The following SPMIP3 variants were observed in gnomAD, a reference collection of about 807,000 sequenced individuals.
The protein encoded by SPMIP3 is sperm microtubule inner protein 3.
At chr1:244,360,907 C>T in the SPMIP3 span, among the ~76,000 whole-genome samples, 3 of 148,706 alleles carry the variant, frequency 2.0e-5, no homozygotes, top group Admixed American at 6.7e-5. Context: ...GCATTAAATC[C>T]TGTCATTTAC....
the SPMIP3 span, among the ~76,000 whole-genome samples, chr1:244,386,243 A>G: frequency 1.3e-5 from 2 of 152,238 alleles, no homozygotes; most frequent in African/African-American, 2.4e-5. Context: ...TATTTGGAAT[A>G]CACAGAATCC....
chr1:244,370,131 T>G, the SPMIP3 span, among the ~76,000 whole-genome samples: 18 of 152,236 alleles, frequency 1.2e-4, no homozygotes, highest in Non-Finnish European at 7.3e-5. Flanking sequence ...TCCATCTGCC[T>G]AAATAATTTC....
At chr1:244,371,255 T>C in the SPMIP3 span, among the ~76,000 whole-genome samples, 1 of 152,202 alleles carries the variant, frequency 6.6e-6, no homozygotes, top group African/African-American at 2.4e-5. Context: ...GGAAAGGGCT[T>C]TCTACAGCTG....
chr1:244,359,592 G>A, the SPMIP3 span, among the ~76,000 whole-genome samples: 7 of 151,880 alleles, frequency 4.6e-5, no homozygotes, highest in Admixed American at 6.6e-5. Context: ...GTGTGGTGGC[G>A]GGCGCCTGTA....
the SPMIP3 span, among the ~76,000 whole-genome samples, chr1:244,375,814 G>A: frequency 1.3e-5 from 2 of 151,956 alleles, no homozygotes; most frequent in African/African-American, 2.4e-5. Flanking sequence ...ACAGGCACAC[G>A]TTACCATACC....
the SPMIP3 span, among the ~76,000 whole-genome samples, chr1:244,365,823 C>G: frequency 1.3e-5 from 2 of 152,180 alleles, no homozygotes; most frequent in African/African-American, 4.8e-5. Flanking sequence ...TCCAAGCCCA[C>G]ATTTTGGATT....
chr1:244,378,536 A>C, the SPMIP3 span: 12 of 1,613,536 alleles, frequency 7.4e-6, no homozygotes, highest in Non-Finnish European at 9.3e-6. Context: ...ACCAACAAAC[A>C]CTCATTCGAT....
the SPMIP3 span, among the ~76,000 whole-genome samples, chr1:244,361,955 A>G: frequency 6.6e-6 from 1 of 152,126 alleles, no homozygotes; most frequent in African/African-American, 2.4e-5. Flanking sequence ...ATTAACCAAG[A>G]GCTCAGCTGT....
the SPMIP3 span, among the ~76,000 whole-genome samples, chr1:244,366,649 G>T: frequency 6.6e-5 from 10 of 152,238 alleles, no homozygotes; most frequent in African/African-American, 2.4e-4. Context: ...GGAGGCCAAG[G>T]CGGGTGGATC....
At chr1:244,370,128 G>GCCTAAATAATTTCCATCTC in the SPMIP3 span, among the ~76,000 whole-genome samples, 1 of 152,188 alleles carries the variant, frequency 6.6e-6, no homozygotes, top group Non-Finnish European at 1.5e-5. Context: ...CTTTCCATCT[G>GCCTAAATAATTTCCATCTC]CCTAAATAAT....
the SPMIP3 span, among the ~76,000 whole-genome samples, chr1:244,383,054 G>A: frequency 6.6e-6 from 1 of 152,068 alleles, no homozygotes; most frequent in East Asian, 1.9e-4. Context: ...GATATTTTGG[G>A]GGTGGCATCA....
chr1:244,381,769 A>G, the SPMIP3 span, among the ~76,000 whole-genome samples: 2 of 152,192 alleles, frequency 1.3e-5, no homozygotes, highest in African/African-American at 4.8e-5. Flanking sequence ...CATCTCTACT[A>G]AAAATACAAA....
the SPMIP3 span, among the ~76,000 whole-genome samples, chr1:244,374,938 G>A: frequency 6.6e-6 from 1 of 151,594 alleles, no homozygotes; most frequent in Non-Finnish European, 1.5e-5. Context: ...TTGCCCCATT[G>A]GTTTTATTTA....
the SPMIP3 span, among the ~76,000 whole-genome samples, chr1:244,372,558 C>T: frequency 0.023 from 3,515 of 152,116 alleles, 129 homozygotes; most frequent in African/African-American, 0.08. Flanking sequence ...ATTCTCCTGC[C>T]CCAGCCTCCC....
the SPMIP3 span, among the ~76,000 whole-genome samples, chr1:244,364,436 TTTAA>T: frequency 3.3e-5 from 5 of 152,092 alleles, no homozygotes; most frequent in Non-Finnish European, 5.9e-5. Flanking sequence ...TTTATACTTA[TTTAA>T]TTTTTTTTTA....
At chr1:244,379,733 A>C in the SPMIP3 span, among the ~76,000 whole-genome samples, 1 of 152,134 alleles carries the variant, frequency 6.6e-6, no homozygotes, top group South Asian at 2.1e-4. Flanking sequence ...TAATCCTGGC[A>C]CTTTGGGAGG....
At chr1:244,387,855 G>T in the SPMIP3 span, among the ~76,000 whole-genome samples, 1 of 151,990 alleles carries the variant, frequency 6.6e-6, no homozygotes, top group Non-Finnish European at 1.5e-5. Flanking sequence ...GTGACTCCCA[G>T]GTTTCTAGTT....
the SPMIP3 span, among the ~76,000 whole-genome samples, chr1:244,358,102 C>T: frequency 4.0e-5 from 6 of 151,898 alleles, no homozygotes; most frequent in East Asian, 7.8e-4. Flanking sequence ...TGGTGGTACA[C>T]GCCTGTAATC....
At chr1:244,366,195 G>A in the SPMIP3 span, among the ~76,000 whole-genome samples, 23 of 152,260 alleles carry the variant, frequency 1.5e-4, no homozygotes, top group South Asian at 4.8e-3. Flanking sequence ...ATTTATTAGA[G>A]ACAAAGTCTG....
Sources: allele counts gnomAD v4.1 joint callset (sites outside exome capture counted in the v4.1 genomes callset), GRCh38; gene constraint gnomAD v4.1.1; transcripts MANE v1.5; gene names NCBI Gene and HGNC (gene_info 2026-07-23, HGNC 2026-07-21).